HSD17B12: variants seen among roughly 807,000 people sequenced by gnomAD.
HSD17B12 encodes very-long-chain 3-oxoacyl-CoA reductase.
In HSD17B12, 32 loss-of-function variants were observed where a neutral mutation model predicts 39.3. The ratio of observed to expected loss-of-function variants is 0.81; its 90% CI spans 0.61 to 1.09. The LOEUF is 1.09. HSD17B12 is among the 50% of genes least tolerant of loss of function. The pLI is 0.00. For missense variants in HSD17B12, 342 were observed against 382.9 expected, an observed-to-expected ratio of 0.89 and a Z score of 0.89; for synonymous variants, 150 against 146.7, an observed-to-expected ratio of 1.02 and a Z score of -0.16.
intron 1 of HSD17B12, among the ~76,000 whole-genome samples, chr11:43,726,979 A>C (rs1950227475): frequency 6.6e-6 from 1 of 152,242 alleles, no homozygotes; most frequent in Admixed American, 6.5e-5. Context: ...TGCTTTACAT[A>C]ATAATTCAAA....
At chr11:43,719,239 C>T (rs1197906309) in intron 1 of HSD17B12, 3 of 579,404 alleles carry the variant, frequency 5.2e-6, no homozygotes, top group Non-Finnish European at 9.4e-6. Context: ...AGGCCATATA[C>T]AGGCATTGAC....
At chr11:43,685,031 C>G (rs1466773254) in intron 1 of HSD17B12, among the ~76,000 whole-genome samples, 1 of 152,142 alleles carries the variant, frequency 6.6e-6, no homozygotes, top group African/African-American at 2.4e-5. Context: ...ATCTGTACTT[C>G]ATTTTGTTTG....
At chr11:43,808,953 T>TATA (rs937130001) in intron 4 of HSD17B12, among the ~76,000 whole-genome samples, 1 of 152,228 alleles carries the variant, frequency 6.6e-6, no homozygotes, top group African/African-American at 2.4e-5. Flanking sequence ...AAACTCTCTC[T>TATA]ATAGGCTGTA....
At chr11:43,741,734 C>CTTTTTTT (rs534584200) in intron 1 of HSD17B12, among the ~76,000 whole-genome samples, 14 of 130,460 alleles carry the variant, frequency 1.1e-4, no homozygotes, top group South Asian at 2.4e-4. Flanking sequence ...TTTTCTTTTT[C>CTTTTTTT]TTTTTTTTTT....
intron 4 of HSD17B12, 29 bp from the exon 5 acceptor site, chr11:43,815,408 A>G (rs377357774): frequency 6.4e-4 from 873 of 1,357,074 alleles, no homozygotes; most frequent in Admixed American, 1.3e-3. Flanking sequence ...TGCATATGTT[A>G]CTCAGCTAAT....
chr11:43,825,788 T>C (rs1165440322), intron 6 of HSD17B12, among the ~76,000 whole-genome samples: 1 of 152,264 alleles, frequency 6.6e-6, no homozygotes, highest in East Asian at 1.9e-4. Flanking sequence ...CCAAACGGCA[T>C]GATAACCACT....
intron 1 of HSD17B12, among the ~76,000 whole-genome samples, chr11:43,682,001 A>G (rs1949750504): frequency 6.6e-6 from 1 of 152,102 alleles, no homozygotes; most frequent in Non-Finnish European, 1.5e-5. Flanking sequence ...CTTCCTAAGC[A>G]TTTTATTGAA....
rs115394978 is a variant in HSD17B12, at chr11:43,781,160, A to G, written c.284-17160A>G. 7.6e-3 allele frequency among the ~76,000 whole-genome samples: 1,154 copies of G among 152,268 alleles called. 13 individuals are homozygous for G. The highest frequency in any genetic ancestry group is 0.026 in the African/African-American group (1,089 of 41,556). On this transcript the variant is annotated intron_variant, in intron 3 of 10. Transcript: ENST00000278353. ...TCCTCTGAATTCACCAGCTTCACCT[A>G]TTCTGTTGCTCTTAACTTTCCATGA...
chr11:43,753,558 A>T (rs1462870883), intron 2 of HSD17B12, among the ~76,000 whole-genome samples: 12 of 132,918 alleles, frequency 9.0e-5, no homozygotes, highest in Admixed American at 2.3e-4. Context: ...CCAGATAATT[A>T]AAAAAAAAAA....
At chr11:43,690,779 TTC>T (rs960026987) in intron 1 of HSD17B12, among the ~76,000 whole-genome samples, 1 of 152,092 alleles carries the variant, frequency 6.6e-6, no homozygotes, top group Non-Finnish European at 1.5e-5. Context: ...TCACCTTAAC[TTC>T]TGTGTGCCTC....
rs1951389119 is a variant in HSD17B12, at chr11:43,838,134, G to C, written c.537-183G>C. ...TCGTGAAGAAGAGCTATTTTTAGTT[G>C]ATTGAATTATGTCTCATTTACTGAC... On this transcript the variant is annotated intron_variant, in intron 7 of 10. Transcript: ENST00000278353. 2.0e-5 allele frequency: 11 copies of C among 563,642 alleles called. No individual in the cohort carries two copies. In the South Asian group the frequency reaches 2.1e-4, roughly 11 times the overall value. 34.9% of individuals were successfully genotyped at this position (563,642 alleles called of 1,614,324 possible).
intron 3 of HSD17B12, among the ~76,000 whole-genome samples, chr11:43,788,304 CA>C (rs1207241133): frequency 6.6e-6 from 1 of 152,050 alleles, no homozygotes; most frequent in South Asian, 2.1e-4. Context: ...CAGAGAGACA[CA>C]TTTCATATGA....
At chr11:43,610,040 T>C in the HSD17B12 span, among the ~76,000 whole-genome samples, 2 of 152,228 alleles carry the variant, frequency 1.3e-5, 1 homozygote, top group Middle Eastern at 6.3e-3. Flanking sequence ...GGCGTCACGT[T>C]TTCTAATAGT....
At chr11:43,800,460 A>G (rs980147381) in intron 4 of HSD17B12, among the ~76,000 whole-genome samples, 2 of 152,138 alleles carry the variant, frequency 1.3e-5, no homozygotes, top group African/African-American at 2.4e-5. Flanking sequence ...GGACTATGGC[A>G]TTGGCATTGG....
At chr11:43,766,551 C>G (rs576245970) in intron 3 of HSD17B12, among the ~76,000 whole-genome samples, 1 of 152,200 alleles carries the variant, frequency 6.6e-6, no homozygotes, top group Non-Finnish European at 1.5e-5. Context: ...CCTTTGTTAA[C>G]CATCATAGAT....
intron 9 of HSD17B12, among the ~76,000 whole-genome samples, chr11:43,847,715 C>CCAAA (rs1554973125): frequency 2.3e-5 from 2 of 85,730 alleles, no homozygotes; most frequent in East Asian, 3.1e-4. Flanking sequence ...CTCTGCCTCA[C>CCAAA]AAAAAAAAAA....
chr11:43,798,226 C>T (rs1444158162), intron 3 of HSD17B12, 94 bp from the exon 4 acceptor site: 29 of 709,758 alleles, frequency 4.1e-5, no homozygotes, highest in South Asian at 2.7e-4. Flanking sequence ...TGGGGAGAAA[C>T]GTCTGAAAGG....
intron 3 of HSD17B12, among the ~76,000 whole-genome samples, chr11:43,762,003 C>T (rs1016753117): frequency 1.3e-5 from 2 of 152,098 alleles, no homozygotes; most frequent in African/African-American, 4.8e-5. Context: ...TTGGAAAATA[C>T]GATCTGGATT....
intron 1 of HSD17B12, among the ~76,000 whole-genome samples, chr11:43,685,402 T>C (rs527810753): frequency 6.6e-6 from 1 of 152,354 alleles, no homozygotes; most frequent in South Asian, 2.1e-4. Context: ...AGCTTATTAA[T>C]AGTAGGTGTC....
Sources: gnomAD v4.1 joint callset for allele counts (sites outside exome capture counted in the v4.1 genomes callset) on GRCh38, gnomAD v4.1.1 for gene constraint, MANE v1.5 for transcripts, NCBI Gene and HGNC (gene_info 2026-07-23, HGNC 2026-07-21) for gene names.